GRID1: variants seen among roughly 807,000 people sequenced by gnomAD.
GRID1 encodes the protein glutamate ionotropic receptor delta type subunit 1, also known as glutamate receptor ionotropic, delta-1.
In GRID1, 28 loss-of-function variants were observed where a neutral mutation model predicts 98.0. The ratio of observed to expected loss-of-function variants is 0.29; its 90% CI spans 0.21 to 0.39. GRID1 has a LOEUF of 0.39. Ranked by LOEUF, GRID1 falls within the 10% of genes least tolerant of loss-of-function variation. The pLI, the probability that GRID1 is intolerant of heterozygous loss-of-function variation, is 1.00. For missense variants in GRID1, 1,111 were observed against 1,340.5 expected, an observed-to-expected ratio of 0.83 and a Z score of 2.67; for synonymous variants, 553 against 538.5, an observed-to-expected ratio of 1.03 and a Z score of -0.37.
chr10:85,977,664 G>T (rs920125573), intron 4 of GRID1, among the ~76,000 whole-genome samples: 5 of 152,210 alleles, frequency 3.3e-5, no homozygotes, highest in African/African-American at 9.6e-5. Flanking sequence ...ACTCAAGGCT[G>T]TCCCTCTCCA....
rs148537903 is a variant in GRID1 at position 86,362,005 on chromosome 10, G to A, written c.235+1936C>T. ...GGGAGCGGACGGGCATCATTCAGAG[G>A]CAAAATGAATGAGCTTGGATACTCA... On this transcript the variant is annotated intron_variant, in intron 2 of 15. Coordinates refer to ENST00000327946, the MANE Select transcript of GRID1 (RefSeq NM_017551.3). Among the ~76,000 whole-genome samples the A allele has an allele frequency of 4.7e-3, 712 of 152,314 alleles. 6 individuals are homozygous for A. The highest frequency in any genetic ancestry group is 0.031 in the Middle Eastern group (9 of 294).
intron 1 of GRID1, among the ~76,000 whole-genome samples, chr10:86,364,902 CT>C (rs1848653269): frequency 6.6e-6 from 1 of 152,368 alleles, no homozygotes; most frequent in South Asian, 2.1e-4. Flanking sequence ...CTTTGTGCGC[CT>C]AGCACAGCTT....
At chr10:86,120,491 T>C (rs1458161975) in intron 4 of GRID1, among the ~76,000 whole-genome samples, 5 of 152,238 alleles carry the variant, frequency 3.3e-5, no homozygotes, top group African/African-American at 9.6e-5. Context: ...TGTCTCTCTA[T>C]TGCCAACCTT....
intron 5 of GRID1, among the ~76,000 whole-genome samples, chr10:85,878,790 T>G (rs1371200955): frequency 1.3e-5 from 2 of 150,882 alleles, no homozygotes; most frequent in Non-Finnish European, 3.0e-5. Context: ...TAAATGTAAA[T>G]GGACTAAATG....
intron 4 of GRID1, among the ~76,000 whole-genome samples, chr10:86,016,384 A>C (rs943795006): frequency 2.0e-5 from 3 of 152,004 alleles, no homozygotes; most frequent in Non-Finnish European, 2.9e-5. Flanking sequence ...ATCTCTTATA[A>C]GAGTAGCAGC....
At chr10:86,324,296 A>T (rs576147119) in intron 2 of GRID1, among the ~76,000 whole-genome samples, 1 of 152,348 alleles carries the variant, frequency 6.6e-6, no homozygotes, top group South Asian at 2.1e-4. Context: ...GAAAGGTCTC[A>T]ATTTGTTCCA....
chr10:86,272,698 G>A (rs1378897559), intron 2 of GRID1, among the ~76,000 whole-genome samples: 1 of 152,190 alleles, frequency 6.6e-6, no homozygotes, highest in Admixed American at 6.5e-5. Flanking sequence ...AAAAGACACA[G>A]TTGAGACATA....
chr10:85,945,481 T>A (rs893449522), intron 4 of GRID1, among the ~76,000 whole-genome samples: 1 of 152,204 alleles, frequency 6.6e-6, no homozygotes, highest in African/African-American at 2.4e-5. Context: ...TCTGTCAGAT[T>A]TCCATATGTC....
At chr10:85,738,528 T>C (rs1184805257) in intron 8 of GRID1, among the ~76,000 whole-genome samples, 1 of 152,202 alleles carries the variant, frequency 6.6e-6, no homozygotes, top group Non-Finnish European at 1.5e-5. Context: ...ACCGTGTCCA[T>C]ACAAAGGTCC....
chr10:85,662,937 T>C (rs1415897315), intron 12 of GRID1, among the ~76,000 whole-genome samples: 1 of 152,154 alleles, frequency 6.6e-6, no homozygotes, highest in Non-Finnish European at 1.5e-5. Context: ...CTTTATGTTC[T>C]GTCCTGTGCA....
intron 5 of GRID1, among the ~76,000 whole-genome samples, chr10:85,907,747 G>C (rs1379021661): frequency 1.3e-5 from 2 of 151,934 alleles, no homozygotes; most frequent in Admixed American, 6.6e-5. Context: ...AATATACCTG[G>C]TGAACATAGG....
intron 2 of GRID1, among the ~76,000 whole-genome samples, chr10:86,275,794 C>A (rs1847260177): frequency 1.3e-5 from 2 of 152,032 alleles, no homozygotes; most frequent in African/African-American, 4.8e-5. Flanking sequence ...TACCATCAAG[C>A]AGACTAACAT....
intron 2 of GRID1, among the ~76,000 whole-genome samples, chr10:86,292,606 C>T (rs1016148778): frequency 2.6e-5 from 4 of 152,216 alleles, no homozygotes; most frequent in Non-Finnish European, 5.9e-5. Flanking sequence ...TCCCTTCACC[C>T]CTGCCTTCCT....
At chr10:86,120,650 T>C (rs1229841809) in intron 4 of GRID1, among the ~76,000 whole-genome samples, 2 of 152,242 alleles carry the variant, frequency 1.3e-5, no homozygotes, top group African/African-American at 4.8e-5. Flanking sequence ...TAGAGTCCTA[T>C]ATAACCACAT....
intron 4 of GRID1, among the ~76,000 whole-genome samples, chr10:85,999,585 T>C (rs530879590): frequency 5.3e-4 from 80 of 152,268 alleles, no homozygotes; most frequent in African/African-American, 1.9e-3. Context: ...TATTAGCAAA[T>C]TGAATCTAGC....
chr10:85,651,718 G>A (rs1054936276), intron 12 of GRID1, among the ~76,000 whole-genome samples: 2 of 152,104 alleles, frequency 1.3e-5, no homozygotes, highest in Non-Finnish European at 2.9e-5. Context: ...CAGGAAGAAC[G>A]GCCTCAAAAG....
chr10:85,837,761 C>G (rs1039268253), intron 8 of GRID1, among the ~76,000 whole-genome samples: 1 of 152,166 alleles, frequency 6.6e-6, no homozygotes, highest in African/African-American at 2.4e-5. Flanking sequence ...TTCTTTCCTC[C>G]AAATGACCGC....
At chr10:86,305,058 C>T (rs1286807840) in intron 2 of GRID1, among the ~76,000 whole-genome samples, 2 of 150,554 alleles carry the variant, frequency 1.3e-5, no homozygotes, top group East Asian at 3.9e-4. Context: ...CTGAGTAAAG[C>T]AGATTACCTT....
chr10:85,968,429 C>T lies in GRID1; in HGVS notation c.727-52190G>A, dbSNP rs180879436. On this transcript the variant is annotated intron_variant, in intron 4 of 15. Transcript: ENST00000327946. ...TCGCGCCACTGCACTCTAGCCTGGACGACACAGCAAGACTCTGTCTCAAAA... is the reference window on the plus strand; with the variant it reads ...TCGCGCCACTGCACTCTAGCCTGGATGACACAGCAAGACTCTGTCTCAAAA... 5.1e-3 allele frequency among the ~76,000 whole-genome samples: 659 copies of T among 129,976 alleles called. 5 individuals carry two copies. The highest frequency in any genetic ancestry group is 0.018 in the African/African-American group (589 of 33,168). The allele number at this position is 129,976 out of a possible 152,430, so 85.3% of individuals were successfully genotyped here.
Sources: gnomAD v4.1 joint callset for allele counts (sites outside exome capture counted in the v4.1 genomes callset) on GRCh38, gnomAD v4.1.1 for gene constraint, MANE v1.5 for transcripts, NCBI Gene and HGNC (gene_info 2026-07-23, HGNC 2026-07-21) for gene names.